The following GAS2 variants were observed in gnomAD, a reference collection of about 807,000 sequenced individuals.
GAS2 encodes growth arrest specific 2, also known as growth arrest-specific protein 2.
In GAS2, 20 loss-of-function variants were observed where a neutral mutation model predicts 37.5. The ratio of observed to expected loss-of-function variants is 0.53; its 90% CI spans 0.37 to 0.77. The LOEUF is 0.77. Ranked by LOEUF, GAS2 falls within the 30% of genes least tolerant of loss-of-function variation. The probability of loss-of-function intolerance (pLI) is 0.00; values close to 1 mark genes in which losing one functional copy is unlikely to be tolerated. For synonymous variants in GAS2, 144 were observed against 132.2 expected, an observed-to-expected ratio of 1.09 and a Z score of -0.61; for missense variants, 336 against 373.4, an observed-to-expected ratio of 0.90 and a Z score of 0.82.
At chr11:22,754,326 A>G (rs1038560352) in intron 6 of GAS2, among the ~76,000 whole-genome samples, 1 of 152,112 alleles carries the variant, frequency 6.6e-6, no homozygotes, top group African/African-American at 2.4e-5. Context: ...ATGAAATACC[A>G]TCTTAACTCC....
Position 22,755,888 on chromosome 11 carries a change from A to G in GAS2, c.658A>G (p.Lys220Glu), listed in dbSNP as rs1854004042. ...SEDPPCKCPN[K>E]FCVERLSQGR... ...AGATCCTCCTTGCAAATGCCCAAAC[A>G]AGTTCTGTGTGGAGCGGCTCTCCCA... The change falls in exon 7 of 8, where the codon AAG becomes GAG. Residue 220 changes from lysine to glutamate, a missense_variant. Physicochemically the swap from Lys to Glu is moderately conservative, Grantham distance 56 (BLOSUM62 1). Transcript: ENST00000454584. 6.2e-7 allele frequency: 1 copy of G among 1,613,140 alleles called. No individual in the cohort carries two copies. The highest frequency in any genetic ancestry group is 1.7e-5 in the Admixed American group (1 of 59,952).
intron 7 of GAS2, among the ~76,000 whole-genome samples, chr11:22,758,371 A>G (rs190626012): frequency 3.9e-5 from 6 of 152,310 alleles, no homozygotes; most frequent in Admixed American, 2.0e-4. Context: ...TAATACGGTC[A>G]TATTTACTGA....
At chr11:22,777,260 G>T (rs755166021) in intron 7 of GAS2, among the ~76,000 whole-genome samples, 13 of 152,128 alleles carry the variant, frequency 8.5e-5, no homozygotes, top group Non-Finnish European at 1.5e-4. Context: ...GTTGATGCAT[G>T]TGGAATAATC....
At chr11:22,789,496 C>T (rs1349585561) in intron 7 of GAS2, among the ~76,000 whole-genome samples, 1 of 95,390 alleles carries the variant, frequency 1.0e-5, no homozygotes, top group Non-Finnish European at 2.0e-5. Context: ...GAGTCTTGCT[C>T]TGTCGCCCAG....
chr11:22,752,735 G>T (rs1853812770), intron 6 of GAS2, among the ~76,000 whole-genome samples: 1 of 151,890 alleles, frequency 6.6e-6, no homozygotes, highest in Non-Finnish European at 1.5e-5. Flanking sequence ...AAAAGAAGCA[G>T]ATCTGTGTTA....
rs202092019 is a variant in GAS2, at chr11:22,801,459, T to TA, written c.724-10339_724-10338insA. ...GTGGGGGCATGGGATAGTTTTTTTT[T>TA]TTATTATTTAATGTTAGGAAAATAA... On this transcript the variant is annotated intron_variant, in intron 7 of 7. Transcript: ENST00000454584. Among the ~76,000 whole-genome samples, 592 of 151,724 alleles carry TA rather than the reference T, an allele frequency of 3.9e-3. 7 individuals carry two copies. The highest frequency in any genetic ancestry group is 0.022 in the East Asian group (115 of 5,164).
intron 1 of GAS2, among the ~76,000 whole-genome samples, chr11:22,651,457 C>T (rs1224028735): frequency 6.6e-6 from 1 of 152,042 alleles, no homozygotes; most frequent in African/African-American, 2.4e-5. Context: ...TGAATCTGAA[C>T]GTTGGCCTGC....
At chr11:22,672,090 A>G (rs762211158) in intron 1 of GAS2, among the ~76,000 whole-genome samples, 2 of 152,160 alleles carry the variant, frequency 1.3e-5, no homozygotes, top group Non-Finnish European at 2.9e-5. Flanking sequence ...AGGTTTCTAC[A>G]TATTTGACAT....
chr11:22,665,258 A>G (rs1362010534), upstream of GAS2, among the ~76,000 whole-genome samples: 2 of 152,196 alleles, frequency 1.3e-5, no homozygotes, highest in Non-Finnish European at 1.5e-5. Context: ...TTTTGAACTC[A>G]TTACATATTT....
chr11:22,677,332 G>A (rs1849475634), intron 2 of GAS2, among the ~76,000 whole-genome samples: 1 of 152,060 alleles, frequency 6.6e-6, no homozygotes, highest in Admixed American at 6.6e-5. Flanking sequence ...AGGTAGGAAG[G>A]AGCTTGGTAC....
chr11:22,634,703 G>T (rs951204555), intron 1 of GAS2, among the ~76,000 whole-genome samples: 1 of 151,978 alleles, frequency 6.6e-6, no homozygotes, highest in African/African-American at 2.4e-5. Flanking sequence ...ATGGTGCTGG[G>T]GAATGTCTGG....
chr11:22,701,540 C>A (rs1434266752), intron 3 of GAS2, among the ~76,000 whole-genome samples: 1 of 151,938 alleles, frequency 6.6e-6, no homozygotes, highest in African/African-American at 2.4e-5. Context: ...AAAAATAGTT[C>A]GGAAAGGGCT....
intron 3 of GAS2, among the ~76,000 whole-genome samples, chr11:22,711,455 C>T (rs140281070): frequency 2.0e-5 from 3 of 152,240 alleles, no homozygotes; most frequent in South Asian, 2.1e-4. Context: ...GTAATAATTT[C>T]GACTGAGCAC....
chr11:22,638,290 AAACTT>A (rs1393109757), intron 1 of GAS2, among the ~76,000 whole-genome samples: 1 of 152,110 alleles, frequency 6.6e-6, no homozygotes, highest in Non-Finnish European at 1.5e-5. Flanking sequence ...TAAGAATTGA[AAACTT>A]AAGTTGATTT....
chr11:22,634,363 A>G (rs901997961), intron 1 of GAS2, among the ~76,000 whole-genome samples: 9 of 152,184 alleles, frequency 5.9e-5, no homozygotes, highest in Admixed American at 3.9e-4. Flanking sequence ...GGGTGGGGAC[A>G]CAACCAAACC....
Position 22,693,244 on chromosome 11 carries a change from G to A in GAS2, c.267+7455G>A, listed in dbSNP as rs75748111. ...TGTTACTGTCAAACATATGCAAACTGATTCTGGAATTTTCTACTTATAAGA... is the reference window on the plus strand; with the variant it reads ...TGTTACTGTCAAACATATGCAAACTAATTCTGGAATTTTCTACTTATAAGA... On this transcript the variant is annotated intron_variant, in intron 3 of 7. Transcript: ENST00000454584. Among the ~76,000 whole-genome samples, 1,485 of 152,228 alleles carry A rather than the reference G, an allele frequency of 9.8e-3. 38 individuals are homozygous for A. Among genetic ancestry groups the A allele is most frequent in the East Asian group, 0.065 (336 of 5,176 alleles).
intron 1 of GAS2, among the ~76,000 whole-genome samples, chr11:22,647,867 G>T (rs1848721596): frequency 6.6e-6 from 1 of 152,074 alleles, no homozygotes; most frequent in African/African-American, 2.4e-5. Context: ...CTCCCATTTT[G>T]TGGGTTGCCT....
Position 22,755,895 on chromosome 11 carries a change from G to C in GAS2, c.665G>C (p.Cys222Ser). Residue 222 changes from cysteine (C) to serine (S), a missense_variant, in exon 7 of 8, where the codon TGT (cysteine) becomes TCT (serine). Coordinates refer to ENST00000454584, the MANE Select transcript of GAS2 (RefSeq NM_001143830.3). ...DPPCKCPNKF[C>S]VERLSQGRYR... ...CCTTGCAAATGCCCAAACAAGTTCT[G>C]TGTGGAGCGGCTCTCCCAAGGAAGA... is the stretch of plus-strand genomic sequence containing the variant. 6.2e-7 allele frequency: 1 copy of C among 1,613,152 alleles called. No homozygotes were observed. The highest frequency in any genetic ancestry group is 8.5e-7 in the Non-Finnish European group (1 of 1,179,282).
intron 7 of GAS2, 57 bp from the exon 8 acceptor site, chr11:22,811,741 T>G (rs1857179527): frequency 1.3e-6 from 2 of 1,514,776 alleles, no homozygotes; most frequent in Non-Finnish European, 1.8e-6. Context: ...CAGGGGTTGA[T>G]TCAAGGTACT....
Sources: allele counts gnomAD v4.1 joint callset (sites outside exome capture counted in the v4.1 genomes callset), GRCh38; gene constraint gnomAD v4.1.1; transcripts MANE v1.5; gene names NCBI Gene and HGNC (gene_info 2026-07-23, HGNC 2026-07-21).